The following ESRP1 variants were observed in gnomAD, a reference collection of about 807,000 sequenced individuals.
ESRP1 encodes the protein RNA-binding motif protein 35A.
A neutral mutation model predicts 81.7 loss-of-function variants in ESRP1; 33 were observed. That is an observed-to-expected ratio of 0.40 (90% CI 0.31 to 0.54). The LOEUF (loss-of-function observed/expected upper bound fraction) is 0.54, where lower values mean the gene tolerates loss of function less well. Among genes scored for constraint, ESRP1 ranks in the 20% least tolerant of loss-of-function variants. The probability of loss-of-function intolerance (pLI) is 0.41; values close to 1 mark genes in which losing one functional copy is unlikely to be tolerated. For synonymous variants in ESRP1, 320 were observed against 303.3 expected (o/e 1.06, Z -0.57); for missense variants, 672 against 833.1 (o/e 0.81, Z 2.38).
chr8:94,648,539 T>G (rs537205587), intron 4 of ESRP1, among the ~76,000 whole-genome samples: 50 of 152,366 alleles, frequency 3.3e-4, no homozygotes, highest in South Asian at 3.1e-3. Context: ...TGAATTGAAT[T>G]GTTCCGTTCT....
At chr8:94,654,106 G>T (rs888637746) in intron 4 of ESRP1, among the ~76,000 whole-genome samples, 45 of 152,240 alleles carry the variant, frequency 3.0e-4, no homozygotes, top group African/African-American at 1.1e-3. Context: ...ATAATGTGAG[G>T]TCAGGAGTTT....
chr8:94,678,123 A>T, intron 12 of ESRP1, 80 bp from the exon 13 acceptor site: 1 of 1,430,512 alleles, frequency 7.0e-7, no homozygotes, highest in Non-Finnish European at 9.6e-7. Flanking sequence ...TAGATGGAAC[A>T]GTGACTATGT....
intron 13 of ESRP1, among the ~76,000 whole-genome samples, chr8:94,689,247 T>G (rs1809271969): frequency 2.0e-5 from 1 of 49,412 alleles, no homozygotes; most frequent in Admixed American, 3.0e-4. Context: ...AGACTCAGTC[T>G]CCAAAAAAAA....
At chr8:94,665,412 G>C (rs1182352517) in intron 9 of ESRP1, among the ~76,000 whole-genome samples, 1 of 152,170 alleles carries the variant, frequency 6.6e-6, no homozygotes, top group Non-Finnish European at 1.5e-5. Flanking sequence ...ACTTACTATA[G>C]TTAAATAGCC....
chr8:94,689,249 C>CAAAAAA (rs56220336), intron 13 of ESRP1, among the ~76,000 whole-genome samples: 5 of 98,842 alleles, frequency 5.1e-5, no homozygotes, highest in African/African-American at 1.8e-4. Context: ...ACTCAGTCTC[C>CAAAAAA]AAAAAAAAAA....
Position 94,641,298 on chromosome 8 carries a change from T to TCCC in ESRP1, c.-18_-16dup. ...CCTTACCGCCTCCCGACCCCCCCTC[T>TCCC]CCCCCTCCCCACCTATCGTCATGAC... On this transcript the variant is annotated 5_prime_UTR_variant, in exon 1 of 16. Transcript: ENST00000433389. 8.4e-7 allele frequency: 1 copy of TCCC among 1,185,230 alleles called. No individual in the cohort carries two copies. The allele number at this position is 1,185,230 out of a possible 1,614,324, so 73.4% of individuals were successfully genotyped here. A position where few individuals can be genotyped will look rare whatever the true frequency, so the allele number is the denominator to read the frequency against.
chr8:94,655,489 A>G (rs1227659610), intron 4 of ESRP1, among the ~76,000 whole-genome samples: 1 of 151,616 alleles, frequency 6.6e-6, no homozygotes, highest in African/African-American at 2.4e-5. Context: ...GGTGTTAAAT[A>G]GTTTTGGTTG....
At chr8:94,648,660 C>T (rs1817959948) in intron 4 of ESRP1, among the ~76,000 whole-genome samples, 1 of 152,198 alleles carries the variant, frequency 6.6e-6, no homozygotes, top group Non-Finnish European at 1.5e-5. Flanking sequence ...AGGTCATTTG[C>T]TCTTGAGGAA....
At chr8:94,682,928 ATATATTTTTTTT>A (rs1808970802) in intron 13 of ESRP1, among the ~76,000 whole-genome samples, 2 of 31,572 alleles carry the variant, frequency 6.3e-5, no homozygotes, top group African/African-American at 2.2e-4. Flanking sequence ...ATATATATAT[ATATATTTTTTTT>A]TTTTTTTTTT....
intron 13 of ESRP1, among the ~76,000 whole-genome samples, chr8:94,687,979 C>G (rs1433466313): frequency 1.3e-5 from 2 of 152,070 alleles, no homozygotes; most frequent in South Asian, 2.1e-4. Context: ...CAAAGATTTA[C>G]TACTATGTTT....
intron 12 of ESRP1, 84 bp downstream of exon 12, chr8:94,674,590 G>C (rs1488693519): frequency 7.7e-7 from 1 of 1,296,976 alleles, no homozygotes; most frequent in Non-Finnish European, 1.0e-6. Flanking sequence ...CTGTGCCCCT[G>C]GTTCTTTCTG....
intron 13 of ESRP1, among the ~76,000 whole-genome samples, chr8:94,686,724 TAATA>T (rs1011971511): frequency 6.6e-6 from 1 of 152,234 alleles, no homozygotes; most frequent in Non-Finnish European, 1.5e-5. Flanking sequence ...TATGATATGT[TAATA>T]AATACTGGCA....
At chr8:94,684,139 G>A (rs576290338) in intron 13 of ESRP1, among the ~76,000 whole-genome samples, 26 of 122,694 alleles carry the variant, frequency 2.1e-4, no homozygotes, top group Admixed American at 1.5e-3. Flanking sequence ...GAGCCACTGC[G>A]CACGCCTTGG....
Position 94,655,065 on chromosome 8 carries a change from T to TTTGTGTG in ESRP1, c.491-7206_491-7205insTGTGTGT, listed in dbSNP as rs545869490. Among the ~76,000 whole-genome samples the TTTGTGTG allele has an allele frequency of 4.7e-4, 70 of 147,634 alleles. 1 individual carries two copies. The highest frequency in any genetic ancestry group is 1.7e-3 in the African/African-American group (68 of 40,578). ...GTGTCTGTGAGGTTTTTTGGGTTTT[T>TTTGTGTG]TGTGTGTGTGTGTGTGTGTGTGTTT... On this transcript the variant is annotated intron_variant, in intron 4 of 15. Coordinates refer to ENST00000433389, the MANE Select transcript of ESRP1 (RefSeq NM_017697.4).
chr8:94,644,652 A>G (rs1170743285), intron 3 of ESRP1, among the ~76,000 whole-genome samples: 3 of 152,202 alleles, frequency 2.0e-5, no homozygotes, highest in African/African-American at 7.2e-5. Flanking sequence ...GGGCCAGAGG[A>G]AAATAGCTGT....
intron 4 of ESRP1, among the ~76,000 whole-genome samples, chr8:94,651,987 C>CTTTTTTTTTTT (rs35903773): frequency 6.1e-5 from 4 of 65,212 alleles, no homozygotes; most frequent in African/African-American, 2.9e-4. Flanking sequence ...TCTAAAACGC[C>CTTTTTTTTTTT]TTTTTTTTTT....
intron 11 of ESRP1, 144 bp downstream of exon 11, chr8:94,671,815 T>A (rs1248448686): frequency 3.6e-6 from 2 of 552,526 alleles, no homozygotes; most frequent in Non-Finnish European, 5.9e-6. Context: ...TGAGATAAAT[T>A]TAGATGAAAT....
rs556203292 is a variant in ESRP1 at position 94,660,607 on chromosome 8, G to A, written c.491-1665G>A. The stretch of plus-strand genomic sequence containing the variant: ...ACAAAAATTAGCTGGGTATGGTGGC[G>A]CGTGCCTGTAATTCCACCTGCTCGG... On this transcript the variant is annotated intron_variant, in intron 4 of 15. Coordinates refer to ENST00000433389, the MANE Select transcript of ESRP1 (RefSeq NM_017697.4). Among the ~76,000 whole-genome samples, 7 of 149,604 alleles carry A rather than the reference G, an allele frequency of 4.7e-5. No homozygotes were observed. In the South Asian group the frequency reaches 1.1e-3, roughly 23 times the overall value.
chr8:94,651,590 C>A (rs1327250558), intron 4 of ESRP1, among the ~76,000 whole-genome samples: 1 of 151,628 alleles, frequency 6.6e-6, no homozygotes, highest in Non-Finnish European at 1.5e-5. Context: ...AAAGTAGGAC[C>A]ATTTTGATGA....
Sources: allele counts gnomAD v4.1 joint callset (sites outside exome capture counted in the v4.1 genomes callset), GRCh38; gene constraint gnomAD v4.1.1; transcripts MANE v1.5; gene names NCBI Gene and HGNC (gene_info 2026-07-23, HGNC 2026-07-21).